Variants in RIOK2 observed in about 807,000 individuals in gnomAD.
The protein encoded by RIOK2 is RIO kinase 2, also known as serine/threonine-protein kinase RIO2.
RIOK2 carries 46 observed loss-of-function variants against 62.4 expected under a neutral mutation model. The observed-to-expected ratio is 0.74, with a 90% CI of 0.58 to 0.94. The LOEUF (loss-of-function observed/expected upper bound fraction) is 0.94, where lower values mean the gene tolerates loss of function less well. Among genes scored for constraint, RIOK2 ranks in the 40% least tolerant of loss-of-function variants. RIOK2 has a pLI of 0.00. For missense variants in RIOK2, 574 were observed against 658.0 expected (o/e 0.87, Z 1.40); for synonymous variants, 197 against 216.0 (o/e 0.91, Z 0.77).
rs763016232 is a variant in RIOK2 at position 97,183,234 on chromosome 5, G to T, written c.-43C>A. ...CCCAGATGCCTCTCCGACGACAGCC[G>T]CAAAGCGTAAGGCAGGTCGTTATTC... On this transcript the variant is annotated 5_prime_UTR_variant, in exon 1 of 10. Transcript: ENST00000283109. 1 of 1,604,738 alleles carries T rather than the reference G, an allele frequency of 6.2e-7. No individual in the cohort carries two copies. Among genetic ancestry groups the T allele is most frequent in the South Asian group, 1.1e-5 (1 of 90,902 alleles).
At chr5:97,169,641 C>T (rs1005498006) in intron 6 of RIOK2, among the ~76,000 whole-genome samples, 3 of 152,166 alleles carry the variant, frequency 2.0e-5, no homozygotes, top group Admixed American at 2.0e-4. Flanking sequence ...GGGAAAAATA[C>T]TAATACATTT....
At chr5:97,177,646 G>A in intron 3 of RIOK2, 86 bp downstream of exon 3, 1 of 834,734 alleles carries the variant, frequency 1.2e-6, no homozygotes, top group Non-Finnish European at 1.9e-6. Flanking sequence ...TTAGAAAAAA[G>A]GGAAAATTAA....
chr5:97,179,144 GCAAT>G lies in RIOK2; in HGVS notation c.112_115del (p.Ile38LeufsTer3). The G allele has an allele frequency of 1.2e-5, 20 of 1,613,784 alleles. No individual in the cohort carries two copies. The highest frequency in any genetic ancestry group is 1.6e-5 in the Non-Finnish European group (19 of 1,179,844). ...ACCATGTTTAAGGCTGGCTATAGAAGCAATCAAACTGCCGGGAACAATTTCATGG... is the reference window on the plus strand; with the variant it reads ...ACCATGTTTAAGGCTGGCTATAGAAGCAAACTGCCGGGAACAATTTCATGG... On this transcript the variant is annotated frameshift_variant, in exon 2 of 10. Coordinates refer to ENST00000283109, the MANE Select transcript of RIOK2 (RefSeq NM_018343.3). LOFTEE classifies it high-confidence loss of function.
chr5:97,177,123 T>C lies in RIOK2; in HGVS notation c.491A>G (p.Tyr164Cys), dbSNP rs1333916827. 3.1e-6 allele frequency: 5 copies of C among 1,609,960 alleles called. No homozygotes were observed. The highest frequency in any genetic ancestry group is 1.7e-5 in the Admixed American group (1 of 59,866). ...SRLSAMKEFA[Y>C]MKALYERKFP... ...ACAAAATAAAATAAATACCTTCATA[T>C]AGGCAAATTCCTTCATGGCAGAGAG... Residue 164 changes from tyrosine (Y) to cysteine (C), a missense_variant, in exon 4 of 10, where the codon TAT becomes TGT. Physicochemically the swap from Tyr to Cys is radical, Grantham distance 194. Coordinates refer to ENST00000283109, the MANE Select transcript of RIOK2 (RefSeq NM_018343.3).
chr5:97,181,186 C>T (rs1228807936), intron 1 of RIOK2, among the ~76,000 whole-genome samples: 2 of 150,588 alleles, frequency 1.3e-5, no homozygotes, highest in Admixed American at 1.3e-4. Flanking sequence ...GCAGGAGAAT[C>T]GCTTGAACCC....
At position 97,165,053 on chromosome 5, in the gene RIOK2, G is replaced by C. The variant is rs1748808437; in HGVS notation, c.1492C>G (p.Pro498Ala). 18 of 1,590,850 alleles carry C rather than the reference G, an allele frequency of 1.1e-5. No individual in the cohort carries two copies. Among genetic ancestry groups the C allele is most frequent in the Non-Finnish European group, 1.5e-5 (18 of 1,165,696 alleles). Residue 498 changes from proline (P) to alanine (A), a missense_variant and splice_region_variant, in exon 9 of 10, where the codon CCA (proline) becomes GCA (alanine). Coordinates refer to ENST00000283109, the MANE Select transcript of RIOK2 (RefSeq NM_018343.3). ...GTACATGTTGAATGACTACTTACTGGAGGAATTGTTGAACAGCTTACAGCA... is the reference window on the plus strand; with the variant it reads ...GTACATGTTGAATGACTACTTACTGCAGGAATTGTTGAACAGCTTACAGCA... ...GSAVSCSTIP[P>A]ELVKQKVKRQ...
At chr5:97,169,086 GA>G (rs1748925341) in intron 6 of RIOK2, among the ~76,000 whole-genome samples, 1 of 152,180 alleles carries the variant, frequency 6.6e-6, no homozygotes, top group Admixed American at 6.5e-5. Flanking sequence ...CTACGGTTAG[GA>G]AAGTCAAGGT....
intron 1 of RIOK2, chr5:97,182,730 T>G: frequency 4.3e-6 from 1 of 234,172 alleles, no homozygotes; most frequent in South Asian, 4.9e-5. Context: ...TCAGAAAGAC[T>G]GCTATGCGAC....
intron 4 of RIOK2, among the ~76,000 whole-genome samples, chr5:97,175,413 T>A (rs1409596970): frequency 3.9e-5 from 6 of 152,252 alleles, no homozygotes; most frequent in Non-Finnish European, 8.8e-5. Context: ...CCAATCTTTA[T>A]CTTCTTGTTC....
At chr5:97,178,640 T>TGTACTCTACATGCTCTTCTGCA (rs1561521162) in intron 2 of RIOK2, among the ~76,000 whole-genome samples, 15 of 106,308 alleles carry the variant, frequency 1.4e-4, no homozygotes, top group African/African-American at 3.8e-4. Flanking sequence ...CGTGCTCTTC[T>TGTACTCTACATGCTCTTCTGCA]GTACTCTACA....
rs1182481139 is a variant in RIOK2, at chr5:97,162,883, T to C, written c.*178A>G. The C allele has an allele frequency of 3.9e-6, 2 of 513,906 alleles. No homozygotes were observed. Among genetic ancestry groups the C allele is most frequent in the Non-Finnish European group, 6.7e-6 (2 of 298,906 alleles). 31.8% of individuals were successfully genotyped at this position (513,906 alleles called of 1,614,324 possible). A position where few individuals can be genotyped will look rare whatever the true frequency, so the allele number is the denominator to read the frequency against. On this transcript the variant is annotated 3_prime_UTR_variant, in exon 10 of 10. Transcript: ENST00000283109. ...CCAAATTACTTTGAAAAAAATGGAC[T>C]GCTTTGGCAGGTAATTATTCTTTGC... is the stretch of plus-strand genomic sequence containing the variant.
chr5:97,176,887 T>C, intron 4 of RIOK2: 1 of 438,406 alleles, frequency 2.3e-6, no homozygotes, highest in Non-Finnish European at 4.1e-6. Context: ...CATTACAGAA[T>C]GTGTTGCCCT....
At chr5:97,182,774 ATC>A (rs1749452982) in intron 1 of RIOK2, 1 of 141,360 alleles carries the variant, frequency 7.1e-6, no homozygotes, top group Non-Finnish European at 1.3e-5. Context: ...ATATTATCAA[ATC>A]TCGGGGGGGG....
intron 8 of RIOK2, 109 bp downstream of exon 8, chr5:97,167,358 G>A (rs933583768): frequency 6.8e-5 from 102 of 1,502,016 alleles, no homozygotes; most frequent in Non-Finnish European, 8.7e-5. Context: ...CATCAAGGTG[G>A]CAGAATACAA....
At chr5:97,163,306 A>T in intron 9 of RIOK2, 81 bp from the exon 10 acceptor site, 1 of 1,129,228 alleles carries the variant, frequency 8.9e-7, no homozygotes, top group Non-Finnish European at 1.3e-6. Flanking sequence ...CTATTTATAT[A>T]TTGACACCAT....
intron 1 of RIOK2, among the ~76,000 whole-genome samples, chr5:97,180,016 A>AATATGTATATATAATATATATAAT (rs1749319325): frequency 2.3e-5 from 1 of 44,154 alleles, no homozygotes; most frequent in African/African-American, 8.0e-5. Flanking sequence ...ATATATATAT[A>AATATGTATATATAATATATATAAT]ATATATATAT....
chr5:97,183,243 A>AAGGC lies in RIOK2; in HGVS notation c.-56_-53dup. On this transcript the variant is annotated 5_prime_UTR_variant, in exon 1 of 10. Transcript: ENST00000283109. ...CTCTCCGACGACAGCCGCAAAGCGT[A>AAGGC]AGGCAGGTCGTTATTCCAGCCTCTA... 5 of 1,591,880 alleles carry AAGGC rather than the reference A, an allele frequency of 3.1e-6. No individual in the cohort carries two copies. The highest frequency in any genetic ancestry group is 4.3e-6 in the Non-Finnish European group (5 of 1,165,544).
intron 9 of RIOK2, among the ~76,000 whole-genome samples, chr5:97,164,366 T>A (rs1461030216): frequency 6.6e-6 from 1 of 151,810 alleles, no homozygotes; most frequent in Non-Finnish European, 1.5e-5. Flanking sequence ...CCAGCCATGG[T>A]GGTAGGCGCC....
At chr5:97,164,238 C>G (rs571305419) in intron 9 of RIOK2, among the ~76,000 whole-genome samples, 15 of 151,806 alleles carry the variant, frequency 9.9e-5, no homozygotes, top group Non-Finnish European at 1.9e-4. Context: ...CAGTGGCTCA[C>G]GCCTGAAATC....
Sources: allele counts gnomAD v4.1 joint callset (sites outside exome capture counted in the v4.1 genomes callset), GRCh38; gene constraint gnomAD v4.1.1; transcripts MANE v1.5; gene names NCBI Gene and HGNC (gene_info 2026-07-23, HGNC 2026-07-21).